The following ST3GAL3 variants were observed in gnomAD, a reference collection of about 807,000 sequenced individuals.
ST3GAL3 encodes ST3 beta-galactoside alpha-2,3-sialyltransferase 3.
In ST3GAL3, 21 loss-of-function variants were observed where a neutral mutation model predicts 50.1. The observed-to-expected ratio is 0.42, with a 90% confidence interval of 0.30 to 0.60. The LOEUF (loss-of-function observed/expected upper bound fraction) is 0.60, where lower values mean the gene tolerates loss of function less well. ST3GAL3 is among the 20% of genes least tolerant of loss of function. The pLI is 0.19. For synonymous variants in ST3GAL3, 183 were observed against 190.0 expected, an observed-to-expected ratio of 0.96 and a Z score of 0.30; for missense variants, 353 against 489.4, an observed-to-expected ratio of 0.72 and a Z score of 2.63.
intron 1 of ST3GAL3, among the ~76,000 whole-genome samples, chr1:43,730,534 CTTTTTCTTTTCT>C (rs1273877562): frequency 1.8e-4 from 14 of 79,438 alleles, no homozygotes; most frequent in African/African-American, 5.4e-4. Context: ...TTTCTGATTT[CTTTTTCTTTTCT>C]TTTTTTCTTT....
intron 5 of ST3GAL3, among the ~76,000 whole-genome samples, chr1:43,886,727 A>G (rs751056629): frequency 1.5e-4 from 23 of 152,204 alleles, no homozygotes; most frequent in Non-Finnish European, 2.9e-4. Flanking sequence ...GAGGGTGACT[A>G]GGAGATGAGG....
intron 2 of ST3GAL3, among the ~76,000 whole-genome samples, chr1:43,778,541 A>G (rs1259144823): frequency 1.3e-5 from 2 of 152,180 alleles, no homozygotes; most frequent in Non-Finnish European, 2.9e-5. Flanking sequence ...CTTTTCAATC[A>G]TATTTAGACA....
At chr1:43,817,126 G>A (rs888531835) in intron 4 of ST3GAL3, among the ~76,000 whole-genome samples, 2 of 152,294 alleles carry the variant, frequency 1.3e-5, no homozygotes, top group East Asian at 1.9e-4. Flanking sequence ...CTGCTGCATA[G>A]TATTACATGA....
At chr1:43,771,466 T>A (rs914054488) in intron 2 of ST3GAL3, among the ~76,000 whole-genome samples, 2 of 151,996 alleles carry the variant, frequency 1.3e-5, no homozygotes, top group African/African-American at 4.8e-5. Context: ...CACACCATTC[T>A]CCTGCCTCAG....
intron 3 of ST3GAL3, among the ~76,000 whole-genome samples, chr1:43,793,908 C>A (rs1405830637): frequency 6.6e-6 from 1 of 151,916 alleles, no homozygotes; most frequent in Non-Finnish European, 1.5e-5. Context: ...CACAGTGAGA[C>A]CCCAACTCTA....
chr1:43,891,097 G>T (rs1289066585), intron 5 of ST3GAL3, among the ~76,000 whole-genome samples: 1 of 152,170 alleles, frequency 6.6e-6, no homozygotes, highest in Non-Finnish European at 1.5e-5. Flanking sequence ...AGGAACCAGG[G>T]TTCCTTGGGA....
At chr1:43,824,474 G>A (rs1292061622) in intron 4 of ST3GAL3, among the ~76,000 whole-genome samples, 2 of 152,160 alleles carry the variant, frequency 1.3e-5, no homozygotes, top group Non-Finnish European at 2.9e-5. Context: ...GAGGACAACA[G>A]AGAAATTAAC....
rs143297655 is a variant in ST3GAL3, at chr1:43,774,164, G to A, written c.119-17938G>A. Among the ~76,000 whole-genome samples, 176 of 152,112 alleles carry A rather than the reference G, an allele frequency of 1.2e-3. 1 individual carries two copies. Among genetic ancestry groups the A allele is most frequent in the African/African-American group, 4.0e-3 (164 of 41,486 alleles). ...AAGACATACTTGGGGGGGCAATTGG[G>A]TACATTTTAATATAGACTATAATGA... On this transcript the variant is annotated intron_variant, in intron 2 of 11. Coordinates refer to ENST00000347631, the MANE Select transcript of ST3GAL3 (RefSeq NM_006279.5).
In ST3GAL3 at chr1:43,805,390, C is replaced by G. The variant is rs76035194; in HGVS notation, c.167-9501C>G. On this transcript the variant is annotated intron_variant, in intron 3 of 11. Transcript: ENST00000347631. Reference sequence around the variant, plus strand: ...TGCCTGCAATGGGAGAAGAGCAGTTCCCTGAAGGAAACCCAAGGGGCTTGT... The same window carrying G: ...TGCCTGCAATGGGAGAAGAGCAGTTGCCTGAAGGAAACCCAAGGGGCTTGT... 7.2e-5 allele frequency among the ~76,000 whole-genome samples: 11 copies of G among 152,318 alleles called. No individual in the cohort carries two copies. In the East Asian group the frequency reaches 2.1e-3, roughly 29 times the overall value.
chr1:43,858,094 T>A, intron 5 of ST3GAL3: 1 of 1,287,202 alleles, frequency 7.8e-7, no homozygotes, highest in Non-Finnish European at 1.0e-6. Context: ...TGCTCAACCT[T>A]TCTGAGCCTC....
chr1:43,729,733 C>T (rs4660743), intron 1 of ST3GAL3, among the ~76,000 whole-genome samples: 100,210 of 152,128 alleles, frequency 0.66, 33,489 homozygotes, highest in East Asian at 0.72. Context: ...GTTGATTCAA[C>T]CCTTGTTGAA....
rs146093258 is a variant in ST3GAL3, at chr1:43,806,278, A to C, written c.167-8613A>C. On this transcript the variant is annotated intron_variant, in intron 3 of 11. Coordinates refer to ENST00000347631, the MANE Select transcript of ST3GAL3 (RefSeq NM_006279.5). The stretch of plus-strand genomic sequence containing the variant: ...ATGGCTTTATCTTGAAGGATGAGCA[A>C]GATGAGTGAAGGCATTGTAGGAGAA... Among the ~76,000 whole-genome samples, 15 of 152,336 alleles carry C rather than the reference A, an allele frequency of 9.8e-5. 1 individual carries two copies. The highest frequency in any genetic ancestry group is 1.9e-4 in the Non-Finnish European group (13 of 68,028).
chr1:43,878,598 T>C (rs1310314534), intron 5 of ST3GAL3, among the ~76,000 whole-genome samples: 2 of 152,108 alleles, frequency 1.3e-5, no homozygotes, highest in African/African-American at 2.4e-5. Flanking sequence ...GCTGGGGGAC[T>C]GTGAACAGAG....
chr1:43,864,447 A>G (rs1430859080), intron 5 of ST3GAL3, among the ~76,000 whole-genome samples: 2 of 152,192 alleles, frequency 1.3e-5, no homozygotes, highest in Non-Finnish European at 2.9e-5. Flanking sequence ...GACAGTTAGA[A>G]ACTGGCCAGG....
chr1:43,812,885 G>T (rs1299206367), intron 3 of ST3GAL3, among the ~76,000 whole-genome samples: 2 of 152,164 alleles, frequency 1.3e-5, no homozygotes, highest in Non-Finnish European at 2.9e-5. Flanking sequence ...GCGTGTGTGT[G>T]TGTGTGTGAA....
intron 5 of ST3GAL3, among the ~76,000 whole-genome samples, chr1:43,848,553 C>A (rs1325000642): frequency 6.6e-6 from 1 of 152,012 alleles, no homozygotes; most frequent in Admixed American, 6.5e-5. Context: ...GATCCACATG[C>A]CTCGGCCTCC....
At chr1:43,832,294 T>C (rs1374012559) in intron 4 of ST3GAL3, among the ~76,000 whole-genome samples, 1 of 152,206 alleles carries the variant, frequency 6.6e-6, no homozygotes, top group East Asian at 1.9e-4. Flanking sequence ...GGTATTGCAG[T>C]GCCTAGCAGC....
At chr1:43,901,194 G>T (rs2078215811) in intron 9 of ST3GAL3, among the ~76,000 whole-genome samples, 1 of 152,362 alleles carries the variant, frequency 6.6e-6, no homozygotes, top group South Asian at 2.1e-4. Context: ...CCTAAGGGCT[G>T]CTGTCTCACT....
At chr1:43,744,697 T>TA (rs1317670805) in intron 2 of ST3GAL3, among the ~76,000 whole-genome samples, 2 of 114,928 alleles carry the variant, frequency 1.7e-5, no homozygotes, top group Admixed American at 1.7e-4. Context: ...TAAAATAAAA[T>TA]AAAAAATAAA....
Sources: allele counts gnomAD v4.1 joint callset (sites outside exome capture counted in the v4.1 genomes callset), GRCh38; gene constraint gnomAD v4.1.1; transcripts MANE v1.5; gene names NCBI Gene and HGNC (gene_info 2026-07-23, HGNC 2026-07-21).